ADCY2: variants seen among roughly 807,000 people sequenced by gnomAD.
The protein encoded by ADCY2 is adenylate cyclase type 2.
ADCY2 carries 31 observed loss-of-function variants against 125.2 expected under a neutral mutation model. The observed-to-expected ratio is 0.25, with a 90% CI of 0.19 to 0.33. The LOEUF (loss-of-function observed/expected upper bound fraction) is 0.33, where lower values mean the gene tolerates loss of function less well. Among genes scored for constraint, ADCY2 ranks in the 10% least tolerant of loss-of-function variants. ADCY2 has a pLI of 1.00. For synonymous variants in ADCY2, 512 were observed against 548.4 expected (o/e 0.93, Z 0.93); for missense variants, 904 against 1,418.2 (o/e 0.64, Z 5.82).
chr5:7,590,028 C>T (rs917113636), intron 3 of ADCY2, among the ~76,000 whole-genome samples: 2 of 152,102 alleles, frequency 1.3e-5, no homozygotes, highest in Admixed American at 6.6e-5. Flanking sequence ...AACACTGGTA[C>T]GTCTGGCTGC....
chr5:7,578,913 G>A (rs902164267), intron 3 of ADCY2, among the ~76,000 whole-genome samples: 2 of 152,140 alleles, frequency 1.3e-5, no homozygotes, highest in Admixed American at 6.6e-5. Flanking sequence ...AACCCAGACA[G>A]CGTGCTGGGT....
At chr5:7,824,865 C>A (rs953660392) in intron 24 of ADCY2, among the ~76,000 whole-genome samples, 1 of 152,222 alleles carries the variant, frequency 6.6e-6, no homozygotes, top group African/African-American at 2.4e-5. Flanking sequence ...GGTTTCCTTG[C>A]ACTTCTACCT....
At chr5:7,563,404 C>G (rs1735787649) in intron 3 of ADCY2, among the ~76,000 whole-genome samples, 1 of 152,200 alleles carries the variant, frequency 6.6e-6, no homozygotes, top group Non-Finnish European at 1.5e-5. Context: ...TCCACAGAAG[C>G]TTCTGTGAGC....
At chr5:7,461,436 T>A (rs1315329184) in intron 2 of ADCY2, among the ~76,000 whole-genome samples, 2 of 152,250 alleles carry the variant, frequency 1.3e-5, no homozygotes, top group East Asian at 3.8e-4. Context: ...ATGCATCAAA[T>A]CCCAATATTT....
chr5:7,611,469 A>AT (rs971899271), intron 3 of ADCY2, among the ~76,000 whole-genome samples: 1 of 152,104 alleles, frequency 6.6e-6, no homozygotes, highest in Non-Finnish European at 1.5e-5. Context: ...TTTATGCTTG[A>AT]TTTTTTAGTG....
intron 18 of ADCY2, among the ~76,000 whole-genome samples, chr5:7,773,892 A>G (rs559217612): frequency 3.3e-5 from 5 of 152,346 alleles, no homozygotes; most frequent in African/African-American, 9.6e-5. Flanking sequence ...TTTAATCATT[A>G]TGATACTTTC....
At chr5:7,534,858 T>G (rs1734764996) in intron 3 of ADCY2, among the ~76,000 whole-genome samples, 1 of 152,180 alleles carries the variant, frequency 6.6e-6, no homozygotes, top group East Asian at 1.9e-4. Context: ...CTCCCCCTGT[T>G]ATATTCCTGC....
intron 4 of ADCY2, among the ~76,000 whole-genome samples, chr5:7,646,813 T>C (rs1380508527): frequency 6.6e-6 from 1 of 152,196 alleles, no homozygotes; most frequent in Non-Finnish European, 1.5e-5. Flanking sequence ...TCCCATATTG[T>C]TATATTATCA....
chr5:7,664,139 G>A (rs748092728), intron 4 of ADCY2, among the ~76,000 whole-genome samples: 5 of 152,158 alleles, frequency 3.3e-5, no homozygotes, highest in African/African-American at 7.2e-5. Context: ...CGAAATGGAG[G>A]TTAAATGAAC....
Position 7,696,974 on chromosome 5 carries a change from A to G in ADCY2, c.981+1111A>G, listed in dbSNP as rs1297993390. 5.9e-5 allele frequency among the ~76,000 whole-genome samples: 9 copies of G among 152,208 alleles called. 1 individual carries two copies. Among genetic ancestry groups the G allele is most frequent in the Admixed American group, 4.6e-4 (7 of 15,280 alleles). The stretch of plus-strand genomic sequence containing the variant: ...GATGCCTTAAAAGTTTGAATTAATA[A>G]AAGGTCATTTTTGTTGGACTACCTG... On this transcript the variant is annotated intron_variant, in intron 6 of 24. Coordinates refer to ENST00000338316, the MANE Select transcript of ADCY2 (RefSeq NM_020546.3).
At chr5:7,525,383 C>G (rs1173257407) in intron 3 of ADCY2, among the ~76,000 whole-genome samples, 3 of 152,140 alleles carry the variant, frequency 2.0e-5, no homozygotes, top group Non-Finnish European at 4.4e-5. Flanking sequence ...GCCTCTGTGT[C>G]CTCTTGACAC....
intron 2 of ADCY2, among the ~76,000 whole-genome samples, chr5:7,434,447 CTT>C (rs1283475364): frequency 6.6e-6 from 1 of 152,188 alleles, no homozygotes; most frequent in Admixed American, 6.5e-5. Flanking sequence ...CATTCACTGA[CTT>C]GCATTCCAAG....
At chr5:7,697,799 A>G (rs1338001886) in intron 6 of ADCY2, among the ~76,000 whole-genome samples, 1 of 152,216 alleles carries the variant, frequency 6.6e-6, no homozygotes, top group African/African-American at 2.4e-5. Flanking sequence ...TTTGGATTTA[A>G]AATAAATAAA....
chr5:7,665,890 G>C (rs576232611), intron 4 of ADCY2, among the ~76,000 whole-genome samples: 61 of 119,346 alleles, frequency 5.1e-4, no homozygotes, highest in African/African-American at 1.8e-3. Context: ...CCAGGCTGGA[G>C]TGCAGTGGTG....
intron 10 of ADCY2, among the ~76,000 whole-genome samples, chr5:7,711,123 G>C (rs1490978154): frequency 1.3e-5 from 2 of 152,188 alleles, no homozygotes; most frequent in Non-Finnish European, 2.9e-5. Flanking sequence ...CACGGGACAG[G>C]TCCAAGATGG....
At chr5:7,677,142 G>C (rs932804680) in intron 4 of ADCY2, among the ~76,000 whole-genome samples, 1 of 152,058 alleles carries the variant, frequency 6.6e-6, no homozygotes, top group East Asian at 1.9e-4. Flanking sequence ...GCAGGACTTG[G>C]TGGCACGGGC....
At chr5:7,595,536 C>T (rs979824575) in intron 3 of ADCY2, among the ~76,000 whole-genome samples, 5 of 152,094 alleles carry the variant, frequency 3.3e-5, no homozygotes, top group African/African-American at 7.2e-5. Context: ...ATCTTCTTGT[C>T]GGAGAGAGAA....
intron 4 of ADCY2, among the ~76,000 whole-genome samples, chr5:7,647,758 T>C (rs932314289): frequency 6.6e-6 from 1 of 152,228 alleles, no homozygotes; most frequent in African/African-American, 2.4e-5. Context: ...TTCACCATCA[T>C]TTGGCAAAAT....
chr5:7,809,294 A>G (rs1295546987), intron 22 of ADCY2, among the ~76,000 whole-genome samples: 3 of 152,216 alleles, frequency 2.0e-5, no homozygotes, highest in Non-Finnish European at 4.4e-5. Context: ...GCATTTAATT[A>G]GATTCTTTAT....
Sources: allele counts gnomAD v4.1 joint callset (sites outside exome capture counted in the v4.1 genomes callset), GRCh38; gene constraint gnomAD v4.1.1; transcripts MANE v1.5; gene names NCBI Gene and HGNC (gene_info 2026-07-23, HGNC 2026-07-21).